Variants in DENND1A observed in about 807,000 individuals in gnomAD.
DENND1A encodes the protein DENN domain containing 1A.
Under a neutral mutation model 113.7 loss-of-function variants are expected in DENND1A, and 51 were observed. The ratio of observed to expected loss-of-function variants is 0.45; its 90% CI spans 0.36 to 0.57. DENND1A has a LOEUF of 0.57. Among genes scored for constraint, DENND1A ranks in the 20% least tolerant of loss-of-function variants. DENND1A has a pLI of 0.00. For synonymous variants in DENND1A, 565 were observed against 570.8 expected, an observed-to-expected ratio of 0.99 and a Z score of 0.14; for missense variants, 1,258 against 1,395.9, an observed-to-expected ratio of 0.90 and a Z score of 1.57.
At chr9:123,867,062 A>T (rs1845889299) in intron 2 of DENND1A, among the ~76,000 whole-genome samples, 1 of 152,216 alleles carries the variant, frequency 6.6e-6, no homozygotes, top group Admixed American at 6.5e-5. Context: ...TAAATTGAGC[A>T]ACTTATTAAA....
intron 7 of DENND1A, among the ~76,000 whole-genome samples, chr9:123,670,319 G>C (rs1238413130): frequency 2.6e-5 from 4 of 152,182 alleles, no homozygotes; most frequent in African/African-American, 9.6e-5. Context: ...ATAGCTCCTG[G>C]ATAATAATCA....
chr9:123,589,751 T>C (rs1256736840), intron 11 of DENND1A, among the ~76,000 whole-genome samples: 1 of 151,686 alleles, frequency 6.6e-6, no homozygotes, highest in Non-Finnish European at 1.5e-5. Flanking sequence ...TTCCCATATA[T>C]ATTGTTAATG....
intron 2 of DENND1A, among the ~76,000 whole-genome samples, chr9:123,802,257 C>T (rs897188901): frequency 6.6e-6 from 1 of 152,136 alleles, no homozygotes; most frequent in Non-Finnish European, 1.5e-5. Flanking sequence ...CCTACCTCTC[C>T]GCCCACTGGC....
chr9:123,433,253 G>A (rs1479162667), intron 19 of DENND1A, among the ~76,000 whole-genome samples: 1 of 152,180 alleles, frequency 6.6e-6, no homozygotes, highest in Non-Finnish European at 1.5e-5. Flanking sequence ...GCTAGTGAGT[G>A]GCACAGCTGA....
intron 11 of DENND1A, among the ~76,000 whole-genome samples, chr9:123,591,149 A>C (rs960113977): frequency 5.9e-5 from 9 of 152,210 alleles, no homozygotes; most frequent in African/African-American, 2.2e-4. Context: ...TCTGTAGCCA[A>C]GATGGTATTG....
Position 123,381,441 on chromosome 9 carries a change from G to A in DENND1A, c.3204C>T (p.Thr1068=). The change falls in exon 24 of 24, where the codon ACC becomes ACT. Residue 1068 remains threonine (T), a synonymous_variant. Coordinates refer to ENST00000394215, the MANE Select transcript of DENND1A (RefSeq NM_001352964.2). The surrounding 1 kb of genome is among the most constrained non-coding windows in gnomAD (Gnocchi z 4.7). ...ACCCTCAGGGCCCGGCTCACTCGAA[G>A]GTCTCCCACTGCTTCCTGAGCTGCT... ...SVEQLRKQWE[T]FE is the part of the protein sequence containing the mutation. The A allele has an allele frequency of 1.9e-6, 3 of 1,613,190 alleles. 1 individual carries two copies. The highest frequency in any genetic ancestry group is 2.5e-6 in the Non-Finnish European group (3 of 1,179,956).
At chr9:123,657,619 C>T (rs992016037) in intron 8 of DENND1A, among the ~76,000 whole-genome samples, 1 of 152,192 alleles carries the variant, frequency 6.6e-6, no homozygotes, top group African/African-American at 2.4e-5. Context: ...ATACATGGTA[C>T]ACATGATAAA....
intron 5 of DENND1A, among the ~76,000 whole-genome samples, chr9:123,685,714 A>G (rs2064766994): frequency 6.6e-6 from 1 of 152,112 alleles, no homozygotes; most frequent in African/African-American, 2.4e-5. Flanking sequence ...GTAACATGAG[A>G]TCTTTGGAAT....
At chr9:123,514,251 G>A (rs1039979876) in intron 13 of DENND1A, among the ~76,000 whole-genome samples, 5 of 152,112 alleles carry the variant, frequency 3.3e-5, no homozygotes, top group Non-Finnish European at 2.9e-5. Flanking sequence ...AATGGTCCAC[G>A]TGGAAGGGAT....
chr9:123,468,059 G>T (rs1356877240), intron 13 of DENND1A, among the ~76,000 whole-genome samples: 4 of 152,204 alleles, frequency 2.6e-5, no homozygotes, highest in South Asian at 4.2e-4. Flanking sequence ...TACCCAGGTG[G>T]ACTGTCCCCA....
intron 5 of DENND1A, among the ~76,000 whole-genome samples, chr9:123,739,200 G>A: frequency 6.6e-6 from 1 of 152,214 alleles, no homozygotes; most frequent in South Asian, 2.1e-4. Flanking sequence ...AGTTTTCAGG[G>A]CTGACTTATG....
rs546971754 is a variant in DENND1A, at chr9:123,542,436, G to A, written c.993+15134C>T. Among the ~76,000 whole-genome samples, 26 of 152,276 alleles carry A rather than the reference G, an allele frequency of 1.7e-4. No individual in the cohort carries two copies. The East Asian group carries it at 3.9e-3, about 23-fold the overall frequency. ...TTCATTATGCTATTCATTTGCCTGG[G>A]GAAGGGATGAGGGGGAGCGATCACC... On this transcript the variant is annotated intron_variant, in intron 13 of 23. Coordinates refer to ENST00000394215, the MANE Select transcript of DENND1A (RefSeq NM_001352964.2).
chr9:123,474,284 C>T (rs1209179180), intron 13 of DENND1A, among the ~76,000 whole-genome samples: 1 of 152,194 alleles, frequency 6.6e-6, no homozygotes, highest in Non-Finnish European at 1.5e-5. Flanking sequence ...CGTGAGCCAC[C>T]TTGCCCAGCC....
chr9:123,387,407 A>T (rs1212261020), intron 22 of DENND1A, among the ~76,000 whole-genome samples: 1 of 152,206 alleles, frequency 6.6e-6, no homozygotes, highest in African/African-American at 2.4e-5. Flanking sequence ...AAGGACTTGG[A>T]GATCAACAAC....
intron 9 of DENND1A, among the ~76,000 whole-genome samples, chr9:123,648,236 C>T (rs1021120192): frequency 1.3e-5 from 2 of 152,116 alleles, no homozygotes; most frequent in African/African-American, 4.8e-5. Flanking sequence ...CGTTCTACCA[C>T]GCTCATTTTT....
intron 12 of DENND1A, among the ~76,000 whole-genome samples, chr9:123,573,083 G>C (rs979948670): frequency 6.6e-6 from 1 of 152,002 alleles, no homozygotes; most frequent in Non-Finnish European, 1.5e-5. Flanking sequence ...TGGCATATTT[G>C]TTGAAAAATC....
rs766129305 is a variant in DENND1A, at chr9:123,676,792, G to A, written c.303-3C>T. 5.5e-5 allele frequency: 89 copies of A among 1,613,740 alleles called. No homozygotes were observed. Among genetic ancestry groups the A allele is most frequent in the Non-Finnish European group, 6.8e-5 (80 of 1,179,838 alleles). On this transcript the variant is annotated splice_region_variant and splice_polypyrimidine_tract_variant and intron_variant, in intron 5 of 23. Coordinates refer to ENST00000394215, the MANE Select transcript of DENND1A (RefSeq NM_001352964.2). ...ATACCTCGAACCAGGGGAGATAGCTGGAGGAAGAAGAGGAAACACATGAAA... is the reference window on the plus strand; with the variant it reads ...ATACCTCGAACCAGGGGAGATAGCTAGAGGAAGAAGAGGAAACACATGAAA...
At chr9:123,609,509 TG>T (rs2060316163) in intron 10 of DENND1A, 28 bp from the exon 11 acceptor site, 2 of 1,607,738 alleles carry the variant, frequency 1.2e-6, no homozygotes, top group African/African-American at 2.7e-5. Flanking sequence ...GACACACAGC[TG>T]CTTTAATGTC....
chr9:123,891,139 C>T (rs1017500721), intron 1 of DENND1A, among the ~76,000 whole-genome samples: 1 of 152,184 alleles, frequency 6.6e-6, no homozygotes, highest in Non-Finnish European at 1.5e-5. Flanking sequence ...GAGCTCACAA[C>T]CTGACTTCAG....
Sources: allele counts gnomAD v4.1 joint callset (sites outside exome capture counted in the v4.1 genomes callset), GRCh38; gene constraint gnomAD v4.1.1; non-coding constraint Gnocchi (gnomAD v3.1); transcripts MANE v1.5; gene names NCBI Gene and HGNC (gene_info 2026-07-23, HGNC 2026-07-21).